Variants in WWOX observed in about 807,000 individuals in gnomAD.
WWOX encodes WW domain containing oxidoreductase, also known as WW domain-containing oxidoreductase.
A neutral mutation model predicts 46.2 loss-of-function variants in WWOX; 69 were observed. The observed-to-expected ratio is 1.49, with a 90% CI of 1.23 to 1.82. WWOX has a LOEUF of 1.82. WWOX is among the 40% of genes most tolerant of loss of function. The probability of loss-of-function intolerance (pLI) is 0.00; values close to 1 mark genes in which losing one functional copy is unlikely to be tolerated. For missense variants in WWOX, 919 were observed against 542.6 expected (o/e 1.69, Z -6.89); for synonymous variants, 359 against 202.6 (o/e 1.77, Z -6.56).
intron 8 of WWOX, among the ~76,000 whole-genome samples, chr16:78,703,405 C>G (rs1307448948): frequency 6.6e-6 from 1 of 151,926 alleles, no homozygotes; most frequent in Non-Finnish European, 1.5e-5. Context: ...TGCATGAGCT[C>G]AGGAGTTCAA....
At chr16:79,169,176 T>C (rs1217820365) in intron 8 of WWOX, among the ~76,000 whole-genome samples, 2 of 152,186 alleles carry the variant, frequency 1.3e-5, no homozygotes, top group Non-Finnish European at 2.9e-5. Flanking sequence ...CTTGAAACAT[T>C]AAATAACATG....
At chr16:78,434,264 G>A (rs543162160) in intron 8 of WWOX, among the ~76,000 whole-genome samples, 77 of 152,298 alleles carry the variant, frequency 5.1e-4, no homozygotes, top group African/African-American at 1.8e-3. Flanking sequence ...ACGGAGAATG[G>A]TGTTCCATGC....
At chr16:78,812,890 C>A (rs894311070) in intron 8 of WWOX, among the ~76,000 whole-genome samples, 1 of 152,110 alleles carries the variant, frequency 6.6e-6, no homozygotes, top group South Asian at 2.1e-4. Context: ...TCTTCTTAAA[C>A]ACATATATTT....
intron 8 of WWOX, among the ~76,000 whole-genome samples, chr16:78,629,397 C>A (rs1051499596): frequency 1.3e-5 from 2 of 152,200 alleles, no homozygotes; most frequent in Admixed American, 1.3e-4. Context: ...TTCTCACTGG[C>A]ATCTCTGCTT....
intron 8 of WWOX, among the ~76,000 whole-genome samples, chr16:78,766,769 C>G (rs1245766495): frequency 3.9e-5 from 6 of 152,072 alleles, no homozygotes; most frequent in Admixed American, 3.3e-4. Flanking sequence ...GTTTTGTGAC[C>G]TTTACTTTTT....
chr16:78,921,573 C>T (rs1045303445), intron 8 of WWOX, among the ~76,000 whole-genome samples: 3 of 152,220 alleles, frequency 2.0e-5, no homozygotes, highest in Admixed American at 6.5e-5. Context: ...GCAGCTTACT[C>T]ACATTCTCAT....
At chr16:79,072,314 C>G (rs1233013801) in intron 8 of WWOX, among the ~76,000 whole-genome samples, 3 of 151,986 alleles carry the variant, frequency 2.0e-5, no homozygotes, top group African/African-American at 7.3e-5. Context: ...AAACAGTATT[C>G]CTATCATATG....
At chr16:78,628,254 C>T (rs2046353378) in intron 8 of WWOX, among the ~76,000 whole-genome samples, 2 of 152,182 alleles carry the variant, frequency 1.3e-5, no homozygotes, top group South Asian at 4.1e-4. Flanking sequence ...GCCTCTCCCT[C>T]ATGTCACATT....
At chr16:79,023,359 G>A (rs1443707165) in intron 8 of WWOX, among the ~76,000 whole-genome samples, 1 of 152,166 alleles carries the variant, frequency 6.6e-6, no homozygotes, top group Non-Finnish European at 1.5e-5. Flanking sequence ...AGTTCTAGGG[G>A]GAGATGAGGA....
intron 8 of WWOX, among the ~76,000 whole-genome samples, chr16:79,174,056 A>T (rs1461446731): frequency 6.6e-6 from 1 of 152,226 alleles, no homozygotes; most frequent in Non-Finnish European, 1.5e-5. Context: ...AGTGGTGCTC[A>T]CATACAGTCA....
intron 8 of WWOX, among the ~76,000 whole-genome samples, chr16:78,723,107 A>T (rs963458719): frequency 6.6e-6 from 1 of 152,170 alleles, no homozygotes; most frequent in African/African-American, 2.4e-5. Context: ...CTTAAGGCTG[A>T]TTGAGTAAAA....
At chr16:78,708,852 G>T (rs571366933) in intron 8 of WWOX, among the ~76,000 whole-genome samples, 1 of 152,318 alleles carries the variant, frequency 6.6e-6, no homozygotes, top group South Asian at 2.1e-4. Flanking sequence ...CCAGCAAAGG[G>T]CTTGTATGCA....
intron 4 of WWOX, among the ~76,000 whole-genome samples, chr16:78,134,343 ATTT>A (rs56115665): frequency 6.7e-5 from 10 of 150,212 alleles, no homozygotes; most frequent in African/African-American, 1.9e-4. Context: ...TGCAAAGACT[ATTT>A]TTTTTTTTGG....
intron 8 of WWOX, among the ~76,000 whole-genome samples, chr16:79,112,202 T>A (rs565507213): frequency 3.5e-4 from 53 of 152,272 alleles, no homozygotes; most frequent in African/African-American, 1.3e-3. Flanking sequence ...GTAAGTATTA[T>A]ACATGCCAAA....
chr16:78,703,133 A>G (rs1011048144), intron 8 of WWOX, among the ~76,000 whole-genome samples: 27 of 152,270 alleles, frequency 1.8e-4, no homozygotes, highest in African/African-American at 6.5e-4. Flanking sequence ...AGGCAAATCA[A>G]GAGCCAAGAG....
intron 5 of WWOX, among the ~76,000 whole-genome samples, chr16:78,196,553 A>G (rs759163515): frequency 6.6e-6 from 1 of 152,204 alleles, no homozygotes; most frequent in Non-Finnish European, 1.5e-5. Flanking sequence ...GTTTGCAAAT[A>G]CTATTTACAG....
intron 8 of WWOX, among the ~76,000 whole-genome samples, chr16:78,602,198 A>T (rs1408359759): frequency 6.6e-6 from 1 of 152,048 alleles, no homozygotes; most frequent in African/African-American, 2.4e-5. Context: ...GTATTTTCCC[A>T]TTCGTATTTT....
chr16:78,727,297 G>A (rs1264730879), intron 8 of WWOX, among the ~76,000 whole-genome samples: 3 of 152,210 alleles, frequency 2.0e-5, no homozygotes, highest in African/African-American at 7.2e-5. Context: ...TGCTAGGGAG[G>A]CTGAGGCAGG....
intron 8 of WWOX, among the ~76,000 whole-genome samples, chr16:78,619,235 G>A (rs2046116364): frequency 9.6e-6 from 1 of 104,418 alleles, no homozygotes; most frequent in Non-Finnish European, 1.9e-5. Context: ...ATGGGGGCCT[G>A]CCCTTGTAGT....
Sources: allele counts gnomAD v4.1 joint callset (sites outside exome capture counted in the v4.1 genomes callset), GRCh38; gene constraint gnomAD v4.1.1; transcripts MANE v1.5; gene names NCBI Gene and HGNC (gene_info 2026-07-23, HGNC 2026-07-21).